CDYL: variants seen among roughly 807,000 people sequenced by gnomAD.
The protein encoded by CDYL is chromodomain Y-like protein.
Under a neutral mutation model 47.3 loss-of-function variants are expected in CDYL, and 8 were observed. The ratio of observed to expected loss-of-function variants is 0.17; its 90% CI spans 0.10 to 0.31. The LOEUF (loss-of-function observed/expected upper bound fraction) is 0.31, where lower values mean the gene tolerates loss of function less well. Ranked by LOEUF, CDYL falls within the 10% of genes least tolerant of loss-of-function variation. CDYL has a pLI of 1.00. For synonymous variants in CDYL, 266 were observed against 265.0 expected (o/e 1.00, Z -0.04); for missense variants, 471 against 701.4 (o/e 0.67, Z 3.71).
chr6:4,714,631 A>ACATTC (rs1757219808), intron 1 of CDYL: 1 of 152,242 alleles, frequency 6.6e-6, no homozygotes, highest in African/African-American at 2.4e-5. Context: ...GCTACCCTGA[A>ACATTC]CATTCCCTGC....
At chr6:4,906,450 G>A (rs1431435883) in intron 2 of CDYL, among the ~76,000 whole-genome samples, 1 of 152,136 alleles carries the variant, frequency 6.6e-6, no homozygotes, top group Non-Finnish European at 1.5e-5. Flanking sequence ...CTGGGAGTGC[G>A]GCTGCCTCTG....
At chr6:4,936,882 G>A (rs549664590) in intron 3 of CDYL, among the ~76,000 whole-genome samples, 37 of 152,264 alleles carry the variant, frequency 2.4e-4, no homozygotes, top group Middle Eastern at 6.8e-3. Flanking sequence ...CTAAGATAAC[G>A]TAGATTCCCA....
chr6:4,767,433 C>T (rs1581153346), intron 3 of CDYL, among the ~76,000 whole-genome samples: 2 of 152,110 alleles, frequency 1.3e-5, no homozygotes, highest in Middle Eastern at 3.4e-3. Context: ...ATTACCCAGG[C>T]GTGGTGGCGT....
At chr6:4,821,257 A>ATTTTTTTT (rs1561653727) in intron 1 of CDYL, among the ~76,000 whole-genome samples, 2 of 125,478 alleles carry the variant, frequency 1.6e-5, no homozygotes, top group African/African-American at 3.2e-5. Flanking sequence ...TCATATGGGA[A>ATTTTTTTT]TTCTTTTTTT....
intron 1 of CDYL, among the ~76,000 whole-genome samples, chr6:4,852,370 CCTCCTTCCTTCCTATCTTCCTTCCTT>C (rs1194399941): frequency 1.4e-4 from 21 of 145,384 alleles, no homozygotes; most frequent in African/African-American, 5.7e-4. Context: ...TTCCTTCCTT[CCTCCTTCCTTCCTATCTTCCTTCCTT>C]CCTCCTTCCT....
chr6:4,929,855 G>A (rs1023430192), intron 2 of CDYL, among the ~76,000 whole-genome samples: 5 of 151,236 alleles, frequency 3.3e-5, no homozygotes, highest in African/African-American at 1.2e-4. Flanking sequence ...TTAGTCACTG[G>A]TCCTATTTTC....
intron 2 of CDYL, among the ~76,000 whole-genome samples, chr6:4,910,265 C>G (rs1757372366): frequency 6.6e-6 from 1 of 152,196 alleles, no homozygotes; most frequent in African/African-American, 2.4e-5. Context: ...TGGAACAACA[C>G]CAGGCAGTGC....
At chr6:4,710,379 G>GGAAGGAA (rs1757128696) in intron 1 of CDYL, among the ~76,000 whole-genome samples, 11 of 101,272 alleles carry the variant, frequency 1.1e-4, no homozygotes, top group South Asian at 4.2e-4. Flanking sequence ...GAGGGAGGGA[G>GGAAGGAA]GGAAGGAAGG....
intron 1 of CDYL, among the ~76,000 whole-genome samples, chr6:4,821,122 G>A (rs1292000393): frequency 1.3e-5 from 2 of 151,746 alleles, no homozygotes; most frequent in Non-Finnish European, 2.9e-5. Flanking sequence ...TTTCATCTTT[G>A]TGGTTCTAGT....
In CDYL at chr6:4,914,348, C is replaced by G. The variant is rs139247400; in HGVS notation, c.692-21167C>G. Among the ~76,000 whole-genome samples the G allele has an allele frequency of 4.3e-3, 651 of 152,222 alleles. 2 individuals are homozygous for G. The highest frequency in any genetic ancestry group is 6.7e-3 in the Non-Finnish European group (458 of 68,016). ...TTCTCATGGGGGTGGCACGTCCTCTCCTCTGTGCCTGAAAGCCTGCTTCAC... is the reference window on the plus strand; with the variant it reads ...TTCTCATGGGGGTGGCACGTCCTCTGCTCTGTGCCTGAAAGCCTGCTTCAC... On this transcript the variant is annotated intron_variant, in intron 2 of 6. Transcript: ENST00000397588.
intron 3 of CDYL, among the ~76,000 whole-genome samples, chr6:4,761,034 A>G (rs1452560524): frequency 6.6e-6 from 1 of 152,168 alleles, no homozygotes; most frequent in Non-Finnish European, 1.5e-5. Flanking sequence ...CTATATTTCC[A>G]ACTATGTTAT....
At chr6:4,947,291 C>G (rs1442669597) in intron 5 of CDYL, among the ~76,000 whole-genome samples, 1 of 152,168 alleles carries the variant, frequency 6.6e-6, no homozygotes, top group African/African-American at 2.4e-5. Context: ...TCCGTAGGCT[C>G]GGGATCAGAG....
chr6:4,775,856 G>C (rs1758424538), upstream of CDYL, among the ~76,000 whole-genome samples: 1 of 150,496 alleles, frequency 6.6e-6, no homozygotes, highest in Non-Finnish European at 1.5e-5. This position sits in a 1 kb window ranked among gnomAD's most constrained non-coding sequence, Gnocchi z 7.0. Context: ...GCGGGCGCAC[G>C]GAGGCCGCCT....
At chr6:4,728,684 C>A (rs556703844) in intron 2 of CDYL, among the ~76,000 whole-genome samples, 1 of 152,262 alleles carries the variant, frequency 6.6e-6, no homozygotes, top group South Asian at 2.1e-4. Flanking sequence ...TTCCAGCAAG[C>A]CCCTGGACAG....
chr6:4,778,043 T>G (rs1758516889), intron 1 of CDYL, among the ~76,000 whole-genome samples: 1 of 151,312 alleles, frequency 6.6e-6, no homozygotes, highest in South Asian at 2.1e-4. Context: ...GGATACTATT[T>G]TAGGTCATTT....
rs117640534 is a variant in CDYL at position 4,807,929 on chromosome 6, G to T, written c.24+31122G>T. 2.0e-4 allele frequency among the ~76,000 whole-genome samples: 30 copies of T among 151,702 alleles called. No homozygotes were observed. The East Asian group carries it at 3.5e-3, about 18-fold the overall frequency. On this transcript the variant is annotated intron_variant, in intron 1 of 6. Transcript: ENST00000397588. Reference sequence around the variant, plus strand: ...GCTCATTTATGTCTTTATGCACTTAGATTTTTTTTTAACTCTATGTATTAT... The same window carrying T: ...GCTCATTTATGTCTTTATGCACTTATATTTTTTTTTAACTCTATGTATTAT...
rs1309193987 is a variant in CDYL at position 4,787,795 on chromosome 6, C to CA, written c.24+10989dup. ...TTTTTTTTTTTTTTTTTTTGGGAGA[C>CA]AGAGTCTCGCTCTGTTGCCCAGGCT... On this transcript the variant is annotated intron_variant, in intron 1 of 6. Coordinates refer to ENST00000397588, the MANE Select transcript of CDYL (RefSeq NM_004824.4). Among the ~76,000 whole-genome samples, 4 of 96,698 alleles carry CA rather than the reference C, an allele frequency of 4.1e-5. No individual in the cohort carries two copies. The Admixed American group carries it at 4.6e-4, about 11-fold the overall frequency. The allele number at this position is 96,698 out of a possible 152,430, so 63.4% of individuals were successfully genotyped here. A position where few individuals can be genotyped will look rare whatever the true frequency, so the allele number is the denominator to read the frequency against.
chr6:4,882,797 T>C (rs535945216), intron 1 of CDYL, among the ~76,000 whole-genome samples: 1 of 152,298 alleles, frequency 6.6e-6, no homozygotes, highest in East Asian at 1.9e-4. Context: ...AAAATATTAG[T>C]GTCTAATAAG....
intron 2 of CDYL, among the ~76,000 whole-genome samples, chr6:4,932,847 T>G (rs1402490991): frequency 6.6e-6 from 1 of 152,206 alleles, no homozygotes; most frequent in Non-Finnish European, 1.5e-5. Flanking sequence ...CACCTGCACT[T>G]TTAACAACTG....
Sources: gnomAD v4.1 joint callset for allele counts (sites outside exome capture counted in the v4.1 genomes callset) on GRCh38, gnomAD v4.1.1 for gene constraint, Gnocchi (gnomAD v3.1) non-coding constraint, MANE v1.5 for transcripts, NCBI Gene and HGNC (gene_info 2026-07-23, HGNC 2026-07-21) for gene names.